Variants in EFL1 observed in about 807,000 individuals in gnomAD.
EFL1 encodes elongation factor like GTPase 1, also known as elongation factor-like GTPase 1.
Under a neutral mutation model 126.7 loss-of-function variants are expected in EFL1, and 76 were observed. That is an observed-to-expected ratio of 0.60 (90% confidence interval 0.50 to 0.73). The LOEUF is 0.73. EFL1 is among the 30% of genes least tolerant of loss of function. The probability of loss-of-function intolerance (pLI) is 0.00; values close to 1 mark genes in which losing one functional copy is unlikely to be tolerated. For missense variants in EFL1, 1,128 were observed against 1,343.2 expected (o/e 0.84, Z 2.50); for synonymous variants, 410 against 448.4 (o/e 0.91, Z 1.08).
At chr15:82,137,210 GA>G in intron 19 of EFL1, among the ~76,000 whole-genome samples, 1 of 152,146 alleles carries the variant, frequency 6.6e-6, no homozygotes, top group African/African-American at 2.4e-5. Context: ...ATTTTAAAAA[GA>G]AAATTCTCCC....
chr15:82,151,009 G>A (rs150671797), intron 18 of EFL1, among the ~76,000 whole-genome samples: 1 of 152,166 alleles, frequency 6.6e-6, no homozygotes, highest in African/African-American at 2.4e-5. Context: ...TAATACTTAA[G>A]ATATCTGGCT....
intron 15 of EFL1, among the ~76,000 whole-genome samples, chr15:82,181,644 G>GTATATA (rs1555427118): frequency 1.1e-4 from 16 of 151,100 alleles, no homozygotes; most frequent in African/African-American, 3.7e-4. Context: ...GTGTGTGTGT[G>GTATATA]TATATATATA....
intron 15 of EFL1, among the ~76,000 whole-genome samples, chr15:82,170,740 G>A (rs1365849568): frequency 6.6e-6 from 1 of 152,158 alleles, no homozygotes; most frequent in African/African-American, 2.4e-5. Flanking sequence ...TTAACTACAA[G>A]GAAAGCTGTA....
chr15:82,147,699 AC>A (rs1320465398), intron 18 of EFL1, among the ~76,000 whole-genome samples: 1 of 151,962 alleles, frequency 6.6e-6, no homozygotes, highest in Admixed American at 6.6e-5. Context: ...TACAACTAAC[AC>A]ACACCATAGG....
At chr15:82,201,698 CAAAA>C (rs57664245) in intron 15 of EFL1, among the ~76,000 whole-genome samples, 5,892 of 98,302 alleles carry the variant, frequency 0.06, 156 homozygotes, top group African/African-American at 0.11. Context: ...TAACTTCTTG[CAAAA>C]AAAAAAAAAA....
chr15:82,183,909 A>G (rs1249463503), intron 15 of EFL1, among the ~76,000 whole-genome samples: 2 of 152,204 alleles, frequency 1.3e-5, no homozygotes, highest in African/African-American at 4.8e-5. Flanking sequence ...AGCAGTATGT[A>G]TTAGTAATAG....
intron 15 of EFL1, among the ~76,000 whole-genome samples, chr15:82,200,172 G>A (rs1433405852): frequency 6.6e-6 from 1 of 152,164 alleles, no homozygotes; most frequent in Non-Finnish European, 1.5e-5. Context: ...TGCATTACCT[G>A]GGTCATGCCC....
In EFL1 at chr15:82,165,934, CTTA is replaced by C. The variant is rs143309336; in HGVS notation, c.1751-1953_1751-1951del. Among the ~76,000 whole-genome samples, 1,047 of 152,264 alleles carry C rather than the reference CTTA, an allele frequency of 6.9e-3. 8 individuals are homozygous for C. Among genetic ancestry groups the C allele is most frequent in the Non-Finnish European group, 8.2e-3 (557 of 68,012 alleles). ...ACTTCTTTGGTCAAAGTCTAAATTT[CTTA>C]TTATTGTACCTCTTAGCTCAGCACA... is the stretch of plus-strand genomic sequence containing the variant. On this transcript the variant is annotated intron_variant, in intron 15 of 19. Coordinates refer to ENST00000268206, the MANE Select transcript of EFL1 (RefSeq NM_024580.6).
chr15:82,232,362 A>AT (rs1297489047), intron 7 of EFL1, among the ~76,000 whole-genome samples: 4 of 152,150 alleles, frequency 2.6e-5, no homozygotes, highest in African/African-American at 4.8e-5. Context: ...AATTTGAATT[A>AT]TTTTTTCACC....
intron 15 of EFL1, among the ~76,000 whole-genome samples, chr15:82,183,924 C>T (rs62012004): frequency 0.16 from 23,950 of 152,132 alleles, 2,428 homozygotes; most frequent in Non-Finnish European, 0.24. Context: ...TAATAGAGGG[C>T]TCACCTTTCA....
At chr15:82,130,692 G>A (rs1250618754) in intron 19 of EFL1, 131 bp from the exon 20 acceptor site, 3 of 942,838 alleles carry the variant, frequency 3.2e-6, no homozygotes, top group African/African-American at 3.3e-5. Flanking sequence ...AAGCTTGCTA[G>A]GAATGGTAAT....
intron 15 of EFL1, among the ~76,000 whole-genome samples, chr15:82,213,045 C>A (rs1421426245): frequency 6.6e-6 from 1 of 152,202 alleles, no homozygotes; most frequent in Admixed American, 6.5e-5. Context: ...GACACCAGCC[C>A]TGGACTGTCC....
chr15:82,215,227 T>C (rs1479463965), intron 14 of EFL1, among the ~76,000 whole-genome samples: 1 of 152,184 alleles, frequency 6.6e-6, no homozygotes, highest in African/African-American at 2.4e-5. Flanking sequence ...TGAACACTCA[T>C]TATTACTATT....
At chr15:82,222,334 C>T (rs1023680307) in intron 12 of EFL1, among the ~76,000 whole-genome samples, 1 of 152,196 alleles carries the variant, frequency 6.6e-6, no homozygotes, top group Non-Finnish European at 1.5e-5. Flanking sequence ...AATTCAAATC[C>T]AGATCTGTAT....
chr15:82,217,044 G>A (rs376403059), intron 14 of EFL1, among the ~76,000 whole-genome samples: 2 of 152,018 alleles, frequency 1.3e-5, no homozygotes, highest in East Asian at 1.9e-4. Context: ...ATCTTCACAC[G>A]AGAACACAAG....
chr15:82,200,249 GA>G (rs2074453063), intron 15 of EFL1, among the ~76,000 whole-genome samples: 6 of 152,188 alleles, frequency 3.9e-5, no homozygotes, highest in African/African-American at 1.2e-4. Flanking sequence ...ACACAAGGAA[GA>G]GTACAAATGC....
intron 3 of EFL1, among the ~76,000 whole-genome samples, chr15:82,255,947 G>T (rs1335315782): frequency 6.6e-6 from 1 of 152,096 alleles, no homozygotes; most frequent in Non-Finnish European, 1.5e-5. Context: ...TTTTAAATCA[G>T]CATATCAAGT....
chr15:82,248,978 G>C (rs888413338), intron 4 of EFL1, among the ~76,000 whole-genome samples: 1 of 152,016 alleles, frequency 6.6e-6, no homozygotes, highest in Non-Finnish European at 1.5e-5. Context: ...AAGCTATTTG[G>C]GGGGAGAAAT....
At chr15:82,140,897 T>A (rs1397819003) in intron 18 of EFL1, among the ~76,000 whole-genome samples, 1 of 152,254 alleles carries the variant, frequency 6.6e-6, no homozygotes, top group Admixed American at 6.5e-5. Context: ...TAAAACTCAT[T>A]TTCTCCCAGG....
Sources: allele counts gnomAD v4.1 joint callset (sites outside exome capture counted in the v4.1 genomes callset), GRCh38; gene constraint gnomAD v4.1.1; transcripts MANE v1.5; gene names NCBI Gene and HGNC (gene_info 2026-07-23, HGNC 2026-07-21).